The following SIK2 variants were observed in gnomAD, a reference collection of about 807,000 sequenced individuals.
SIK2 encodes serine/threonine-protein kinase SIK2.
In SIK2, 29 loss-of-function variants were observed where a neutral mutation model predicts 103.2. The observed-to-expected ratio is 0.28, with a 90% CI of 0.21 to 0.38. The LOEUF is 0.38. SIK2 is among the 10% of genes least tolerant of loss of function. The probability of loss-of-function intolerance (pLI) is 1.00; values close to 1 mark genes in which losing one functional copy is unlikely to be tolerated. For synonymous variants in SIK2, 412 were observed against 446.1 expected (o/e 0.92, Z 0.96); for missense variants, 879 against 1,171.0 (o/e 0.75, Z 3.64).
chr11:111,623,639 G>A (rs1012134302), intron 3 of SIK2, among the ~76,000 whole-genome samples: 3 of 152,184 alleles, frequency 2.0e-5, no homozygotes, highest in African/African-American at 7.2e-5. Flanking sequence ...CATGAATGCT[G>A]AGGTTTTTTG....
Position 111,664,691 on chromosome 11 carries a change from A to AC in SIK2, c.317-23302dup, listed in dbSNP as rs534513803. Among the ~76,000 whole-genome samples the AC allele has an allele frequency of 6.8e-3, 688 of 101,310 alleles. 8 individuals are homozygous for AC. The highest frequency in any genetic ancestry group is 0.02 in the African/African-American group (528 of 26,978). The allele number at this position is 101,310 out of a possible 152,430, so 66.5% of individuals were successfully genotyped here. On this transcript the variant is annotated intron_variant, in intron 3 of 14. Transcript: ENST00000304987. ...GAAACATTCTATTCCCCCCATCACC[A>AC]CCCCCCCCACACACACACCTCTACA...
At position 111,705,228 on chromosome 11, in the gene SIK2, T is replaced by G; in HGVS notation, c.1101+89T>G. ...TTCATCTTATACACAGGGTTAGGAT[T>G]TCATCCTCTACACTCCGTTTTTCTG... On this transcript the variant is annotated intron_variant, in intron 8 of 14. Transcript: ENST00000304987. This position sits in a 1 kb window ranked among gnomAD's most constrained non-coding sequence, Gnocchi z 4.3. The G allele has an allele frequency of 7.5e-7, 1 of 1,332,394 alleles. No homozygotes were observed. Among genetic ancestry groups the G allele is most frequent in the Non-Finnish European group, 9.8e-7 (1 of 1,023,806 alleles). 82.5% of individuals were successfully genotyped at this position (1,332,394 alleles called of 1,614,324 possible).
At chr11:111,679,261 T>G (rs1449167081) in intron 3 of SIK2, among the ~76,000 whole-genome samples, 1 of 152,204 alleles carries the variant, frequency 6.6e-6, no homozygotes, top group Admixed American at 6.5e-5. Context: ...CATATAGTCA[T>G]GAAAGTCAAT....
At chr11:111,707,336 C>G (rs1031541913) in intron 8 of SIK2, among the ~76,000 whole-genome samples, 1 of 152,196 alleles carries the variant, frequency 6.6e-6, no homozygotes, top group Non-Finnish European at 1.5e-5. Context: ...CATGTCTAGA[C>G]TATGAGCAAA....
chr11:111,693,783 A>G (rs1211741210), intron 4 of SIK2, among the ~76,000 whole-genome samples: 2 of 152,174 alleles, frequency 1.3e-5, no homozygotes, highest in Non-Finnish European at 2.9e-5. Context: ...TTCCATATCT[A>G]TTAAATACAA....
chr11:111,716,391 A>G (rs541629761), intron 9 of SIK2, among the ~76,000 whole-genome samples: 1 of 150,678 alleles, frequency 6.6e-6, no homozygotes, highest in Non-Finnish European at 1.5e-5. Context: ...AGCCTGGCCA[A>G]CATGGCAAAA....
At chr11:111,649,180 T>G (rs2135862299) in intron 3 of SIK2, among the ~76,000 whole-genome samples, 1 of 152,320 alleles carries the variant, frequency 6.6e-6, no homozygotes, top group East Asian at 1.9e-4. Context: ...TTCTGTGCAT[T>G]TGTCTCTCCA....
intron 3 of SIK2, chr11:111,671,754 C>G: frequency 2.4e-6 from 1 of 408,738 alleles, no homozygotes; most frequent in South Asian, 2.1e-5. Flanking sequence ...AGGTGAGACT[C>G]CAGCTCTGCT....
intron 1 of SIK2, among the ~76,000 whole-genome samples, chr11:111,609,496 A>AT (rs1478321338): frequency 6.6e-6 from 1 of 152,076 alleles, no homozygotes; most frequent in Non-Finnish European, 1.5e-5. Flanking sequence ...TAATTTTTAA[A>AT]TTTTTTGTAA....
intron 1 of SIK2, among the ~76,000 whole-genome samples, chr11:111,614,135 G>A (rs1384851703): frequency 6.7e-6 from 1 of 148,922 alleles, no homozygotes; most frequent in East Asian, 2.0e-4. Context: ...AGACTGGAGC[G>A]CAGTGGCACG....
intron 4 of SIK2, among the ~76,000 whole-genome samples, chr11:111,700,131 A>G (rs1034735893): frequency 1.3e-5 from 2 of 152,362 alleles, no homozygotes; most frequent in African/African-American, 4.8e-5. Flanking sequence ...AAATTTTTTA[A>G]TGCATGTTGA....
chr11:111,654,154 A>G (rs796501889), intron 3 of SIK2, among the ~76,000 whole-genome samples: 6 of 152,176 alleles, frequency 3.9e-5, no homozygotes, highest in African/African-American at 1.2e-4. Context: ...GAATTTCTTT[A>G]TTGTTTTTTC....
At chr11:111,710,551 G>A (rs570183217) in intron 8 of SIK2, among the ~76,000 whole-genome samples, 1 of 152,292 alleles carries the variant, frequency 6.6e-6, no homozygotes, top group South Asian at 2.1e-4. Flanking sequence ...ACTAGGAACC[G>A]TTAGTATTTG....
rs1245550257 is a variant in SIK2, at chr11:111,721,925, G to A, written c.2040G>A (p.Leu680=). The A allele has an allele frequency of 3.1e-6, 5 of 1,607,192 alleles. No individual in the cohort carries two copies. The highest frequency in any genetic ancestry group is 4.2e-6 in the Non-Finnish European group (5 of 1,176,674). The change falls in exon 13 of 15, where the codon CTG becomes CTA. Residue 680 remains leucine (L), a synonymous_variant. Transcript: ENST00000304987. ...GGCAGAGCCTGGAGACCCAGTACCT[G>A]CAGCACAGACTCCAGGTGGGTCCTT... is the stretch of plus-strand genomic sequence containing the variant. ...SPRQSLETQY[L]QHRLQKPSLL... is the part of the protein sequence containing the mutation.
At chr11:111,629,115 A>G (rs999164310) in intron 3 of SIK2, among the ~76,000 whole-genome samples, 4 of 152,206 alleles carry the variant, frequency 2.6e-5, no homozygotes, top group African/African-American at 7.2e-5. Context: ...TGTTTGGGTT[A>G]AGATGTTAGT....
At chr11:111,653,053 A>T (rs1002091914) in intron 3 of SIK2, among the ~76,000 whole-genome samples, 3 of 152,140 alleles carry the variant, frequency 2.0e-5, no homozygotes, top group Admixed American at 6.5e-5. Context: ...CAGGGCTCTG[A>T]ATTTTTAACA....
chr11:111,684,377 G>A (rs1942816330), intron 3 of SIK2, among the ~76,000 whole-genome samples: 1 of 151,758 alleles, frequency 6.6e-6, no homozygotes, highest in African/African-American at 2.4e-5. Flanking sequence ...AGATTTCTCT[G>A]TGTTGCCAAA....
chr11:111,635,699 A>G (rs1942100698), intron 3 of SIK2, among the ~76,000 whole-genome samples: 1 of 152,262 alleles, frequency 6.6e-6, no homozygotes, highest in Non-Finnish European at 1.5e-5. Flanking sequence ...AGAAGCCTTA[A>G]TAAAATAGAC....
At chr11:111,683,056 C>T (rs1433080216) in intron 3 of SIK2, 5 of 152,116 alleles carry the variant, frequency 3.3e-5, no homozygotes, top group Non-Finnish European at 5.9e-5. Context: ...CCAAAATAAA[C>T]ATAGGAAACA....
Sources: allele counts gnomAD v4.1 joint callset (sites outside exome capture counted in the v4.1 genomes callset), GRCh38; gene constraint gnomAD v4.1.1; non-coding constraint Gnocchi (gnomAD v3.1); transcripts MANE v1.5; gene names NCBI Gene and HGNC (gene_info 2026-07-23, HGNC 2026-07-21).